Variants in CPVL observed in about 807,000 individuals in gnomAD.
CPVL encodes the protein carboxypeptidase vitellogenic like.
In CPVL, 51 loss-of-function variants were observed where a neutral mutation model predicts 63.7. That is an observed-to-expected ratio of 0.80 (90% CI 0.64 to 1.01). CPVL has a LOEUF of 1.01. Among genes scored for constraint, CPVL ranks in the 50% least tolerant of loss-of-function variants. CPVL has a pLI of 0.00. For missense variants in CPVL, 530 were observed against 573.1 expected (o/e 0.92, Z 0.77); for synonymous variants, 195 against 206.0 (o/e 0.95, Z 0.46).
intron 1 of CPVL, among the ~76,000 whole-genome samples, chr7:29,124,533 A>T (rs560746179): frequency 6.6e-6 from 1 of 152,128 alleles, no homozygotes; most frequent in Non-Finnish European, 1.5e-5. Context: ...CATGTGTCCA[A>T]TGTATGATTT....
chr7:29,022,053 A>G (rs1309718257), intron 12 of CPVL, among the ~76,000 whole-genome samples: 1 of 152,182 alleles, frequency 6.6e-6, no homozygotes, highest in Non-Finnish European at 1.5e-5. Context: ...CCAGAGCCTG[A>G]GAGCTGCCTG....
intron 5 of CPVL, among the ~76,000 whole-genome samples, chr7:29,177,120 A>G: frequency 6.6e-6 from 1 of 152,256 alleles, no homozygotes; most frequent in East Asian, 1.9e-4. Flanking sequence ...CTTCTAGCAC[A>G]GAGACACTAA....
intron 1 of CPVL, among the ~76,000 whole-genome samples, chr7:29,123,597 GAAAAAAAAAAAAAAAAAAAA>G (rs778757980): frequency 0.074 from 3,041 of 41,140 alleles, 80 homozygotes; most frequent in East Asian, 0.16. Flanking sequence ...AACTGGTTCA[GAAAAAAAAAAAAAAAAAAAA>G]AAAAAAAAAA....
At chr7:29,070,122 C>T (rs1016814217) in intron 9 of CPVL, among the ~76,000 whole-genome samples, 2 of 152,124 alleles carry the variant, frequency 1.3e-5, no homozygotes, top group Admixed American at 6.5e-5. Flanking sequence ...ACTCAAGATA[C>T]GGGACCAATG....
chr7:29,142,984 G>A (rs1192563744), intron 1 of CPVL, among the ~76,000 whole-genome samples: 5 of 151,910 alleles, frequency 3.3e-5, no homozygotes, highest in Non-Finnish European at 5.9e-5. Context: ...CATTTACAAA[G>A]CTTCCTAACA....
At chr7:29,014,393 C>T (rs961648063) in intron 12 of CPVL, among the ~76,000 whole-genome samples, 19 of 152,136 alleles carry the variant, frequency 1.2e-4, no homozygotes, top group Non-Finnish European at 1.3e-4. Flanking sequence ...GGTGCAGTGG[C>T]GTGAACATAG....
intron 4 of CPVL, among the ~76,000 whole-genome samples, chr7:29,182,954 A>G (rs1160628849): frequency 2.0e-5 from 3 of 152,216 alleles, no homozygotes. Context: ...CATTTTTGAA[A>G]TTCTATTACA....
At chr7:29,066,208 C>G in intron 9 of CPVL, 87 bp from the exon 10 acceptor site, 1 of 751,704 alleles carries the variant, frequency 1.3e-6, no homozygotes, top group Non-Finnish European at 2.3e-6. Flanking sequence ...TTCATTTATT[C>G]AACAACTTTT....
intron 12 of CPVL, chr7:29,010,578 A>C (rs1054894333): frequency 6.6e-5 from 10 of 152,190 alleles, no homozygotes; most frequent in African/African-American, 2.4e-4. Flanking sequence ...CTCTTTGTTA[A>C]AGTCAAGTTA....
intron 5 of CPVL, among the ~76,000 whole-genome samples, chr7:29,163,732 C>T (rs1338379922): frequency 1.3e-5 from 2 of 152,182 alleles, no homozygotes; most frequent in Non-Finnish European, 2.9e-5. Flanking sequence ...TGCTGATCAG[C>T]TTTCCATTAC....
intron 11 of CPVL, among the ~76,000 whole-genome samples, chr7:29,041,878 T>C (rs1431153418): frequency 6.6e-6 from 1 of 152,036 alleles, no homozygotes; most frequent in Non-Finnish European, 1.5e-5. Context: ...GATGACATTA[T>C]ATATATATAG....
chr7:29,115,412 C>T (rs990317880), intron 2 of CPVL, among the ~76,000 whole-genome samples: 3 of 152,064 alleles, frequency 2.0e-5, no homozygotes, highest in Non-Finnish European at 4.4e-5. Context: ...AGGTGAGGAT[C>T]TTATGAGAAA....
intron 1 of CPVL, among the ~76,000 whole-genome samples, chr7:29,128,746 A>G (rs1367585214): frequency 2.0e-5 from 3 of 151,932 alleles, no homozygotes; most frequent in East Asian, 3.9e-4. Flanking sequence ...AAAAAGAAAA[A>G]AACTTTCTCT....
intron 3 of CPVL, among the ~76,000 whole-genome samples, chr7:29,105,902 G>A (rs1455895954): frequency 1.3e-5 from 2 of 152,186 alleles, no homozygotes; most frequent in Non-Finnish European, 2.9e-5. Context: ...CATTATTACA[G>A]AGAACTAAAC....
chr7:29,049,399 A>C (rs763996950), intron 11 of CPVL, among the ~76,000 whole-genome samples: 30 of 152,174 alleles, frequency 2.0e-4, no homozygotes, highest in Admixed American at 3.9e-4. Flanking sequence ...TTACACACAT[A>C]AACTAGAAAA....
intron 3 of CPVL, among the ~76,000 whole-genome samples, chr7:29,098,111 C>T (rs1277954779): frequency 6.6e-6 from 1 of 152,162 alleles, no homozygotes. Flanking sequence ...CCCACCACCT[C>T]TGACTTGGCC....
chr7:29,060,287 A>G lies in CPVL; in HGVS notation c.1137+3774T>C, dbSNP rs1437331474. Among the ~76,000 whole-genome samples, 4 of 152,226 alleles carry G rather than the reference A, an allele frequency of 2.6e-5. No homozygotes were observed. The East Asian group carries it at 5.8e-4, about 22-fold the overall frequency. On this transcript the variant is annotated intron_variant, in intron 11 of 12. Transcript: ENST00000265394. ...AATACTGTTTTTATTCCTGTTTTAT[A>G]GACAAGGAAGCCAAAGCGCAGAGAG...
intron 12 of CPVL, among the ~76,000 whole-genome samples, chr7:29,023,669 C>A (rs1374894327): frequency 3.9e-5 from 6 of 152,176 alleles, no homozygotes; most frequent in Non-Finnish European, 7.3e-5. Context: ...CATAGCAAAA[C>A]CTCACTACAG....
rs930088239 is a variant in CPVL at position 29,092,561 on chromosome 7, T to C, written c.542+62A>G. 1.4e-5 allele frequency: 16 copies of C among 1,148,078 alleles called. No individual in the cohort carries two copies. The South Asian group carries it at 2.1e-4, about 15-fold the overall frequency. 71.1% of individuals were successfully genotyped at this position (1,148,078 alleles called of 1,614,324 possible). A position where few individuals can be genotyped will look rare whatever the true frequency, so the allele number is the denominator to read the frequency against. On this transcript the variant is annotated intron_variant, in intron 6 of 12. Transcript: ENST00000265394. ...AAAAATTCCAACACTAGAATAATTT[T>C]CCTATTGAGATAGAAAAATGTTTGG... is the stretch of plus-strand genomic sequence containing the variant.
Sources: gnomAD v4.1 joint callset for allele counts (sites outside exome capture counted in the v4.1 genomes callset) on GRCh38, gnomAD v4.1.1 for gene constraint, MANE v1.5 for transcripts, NCBI Gene and HGNC (gene_info 2026-07-23, HGNC 2026-07-21) for gene names.